The following GRIK1 variants were observed in gnomAD, a reference collection of about 807,000 sequenced individuals.
GRIK1 encodes glutamate receptor ionotropic, kainate 1.
GRIK1 carries 69 observed loss-of-function variants against 105.7 expected under a neutral mutation model. That is an observed-to-expected ratio of 0.65 (90% CI 0.54 to 0.80). The LOEUF (loss-of-function observed/expected upper bound fraction) is 0.80, where lower values mean the gene tolerates loss of function less well. Among genes scored for constraint, GRIK1 ranks in the 30% least tolerant of loss-of-function variants. The pLI is 0.00. For missense variants in GRIK1, 1,109 were observed against 1,167.3 expected, an observed-to-expected ratio of 0.95 and a Z score of 0.73; for synonymous variants, 438 against 431.3, an observed-to-expected ratio of 1.02 and a Z score of -0.19.
intron 1 of GRIK1, among the ~76,000 whole-genome samples, chr21:29,790,696 AC>A (rs1292331205): frequency 6.6e-6 from 1 of 150,504 alleles, no homozygotes; most frequent in African/African-American, 2.4e-5. Context: ...CAAGTGATCC[AC>A]CCACCTTGGC....
intron 1 of GRIK1, among the ~76,000 whole-genome samples, chr21:29,841,308 T>A (rs777364461): frequency 1.3e-5 from 2 of 152,158 alleles, no homozygotes; most frequent in Non-Finnish European, 2.9e-5. Flanking sequence ...GCATCAAAAT[T>A]GTCTAAGCTT....
chr21:29,693,597 C>G (rs2063627453), intron 2 of GRIK1, among the ~76,000 whole-genome samples: 1 of 152,106 alleles, frequency 6.6e-6, no homozygotes, highest in African/African-American at 2.4e-5. Flanking sequence ...GGTGGTATCT[C>G]AGCTTCAGGA....
Position 29,560,511 on chromosome 21 carries a change from CCTTCCTTCCTTTCTTTCTTTCTTT to C in GRIK1, c.2356+1089_2356+1112del, listed in dbSNP as rs1414862625. On this transcript the variant is annotated intron_variant, in intron 15 of 17. Transcript: ENST00000327783. ...TCTTTCTTTCTTTCCTTCCTTCCTT[CCTTCCTTCCTTTCTTTCTTTCTTT>C]CTTTCTTTCTTTCTTTCTTTCTTTC... 8.2e-3 allele frequency among the ~76,000 whole-genome samples: 328 copies of C among 40,196 alleles called. 7 individuals are homozygous for C. Among genetic ancestry groups the C allele is most frequent in the South Asian group, 0.011 (13 of 1,210 alleles). 26.4% of individuals were successfully genotyped at this position (40,196 alleles called of 152,430 possible).
intron 1 of GRIK1, among the ~76,000 whole-genome samples, chr21:29,874,446 ATACGTGAT>A (rs1301668743): frequency 6.6e-6 from 1 of 152,124 alleles, no homozygotes; most frequent in Admixed American, 6.5e-5. Context: ...TCTTTGTCTC[ATACGTGAT>A]TAGCTGAACT....
intron 1 of GRIK1, among the ~76,000 whole-genome samples, chr21:29,806,079 AT>A (rs2066856429): frequency 6.6e-6 from 1 of 152,188 alleles, no homozygotes; most frequent in Non-Finnish European, 1.5e-5. Flanking sequence ...TGTGACACCA[AT>A]AAACAGTCTT....
rs34378438 is a variant in GRIK1, at chr21:29,774,446, CTTT to C, written c.119-80386_119-80384del. Among the ~76,000 whole-genome samples, 109 of 102,418 alleles carry C rather than the reference CTTT, an allele frequency of 1.1e-3. No individual in the cohort carries two copies. The East Asian group carries it at 0.02, about 19-fold the overall frequency. The allele number at this position is 102,418 out of a possible 152,430, so 67.2% of individuals were successfully genotyped here. On this transcript the variant is annotated intron_variant, in intron 1 of 17. Coordinates refer to ENST00000327783, the MANE Select transcript of GRIK1 (RefSeq NM_001330994.2). Reference sequence around the variant, plus strand: ...TCAAGTGCTGTTTCTTTATTTTGCTCTTTTTTTTTTTTTTTTTTTTTCTGAGAC... The same window carrying C: ...TCAAGTGCTGTTTCTTTATTTTGCTCTTTTTTTTTTTTTTTTTTCTGAGAC...
At chr21:29,804,652 T>C (rs1208409149) in intron 1 of GRIK1, among the ~76,000 whole-genome samples, 1 of 152,156 alleles carries the variant, frequency 6.6e-6, no homozygotes, top group Non-Finnish European at 1.5e-5. Flanking sequence ...AAGAGAGAAA[T>C]GACACATTCT....
chr21:29,765,688 A>G (rs2065644641), intron 1 of GRIK1, among the ~76,000 whole-genome samples: 1 of 152,104 alleles, frequency 6.6e-6, no homozygotes, highest in South Asian at 2.1e-4. Flanking sequence ...AGAGGGAGGA[A>G]GTAGAGCAGA....
chr21:29,882,896 A>T (rs1018663013), intron 1 of GRIK1, among the ~76,000 whole-genome samples: 1 of 152,002 alleles, frequency 6.6e-6, no homozygotes, highest in African/African-American at 2.4e-5. Context: ...ATTTATTTTT[A>T]TACTAATAAC....
At chr21:29,916,822 T>C (rs969664143) in intron 1 of GRIK1, among the ~76,000 whole-genome samples, 1 of 151,958 alleles carries the variant, frequency 6.6e-6, no homozygotes, top group African/African-American at 2.4e-5. Context: ...TAAATAGATA[T>C]AATTGCAGGC....
intron 1 of GRIK1, among the ~76,000 whole-genome samples, chr21:29,737,213 C>A (rs144903159): frequency 1.3e-5 from 2 of 152,076 alleles, no homozygotes; most frequent in African/African-American, 2.4e-5. Flanking sequence ...ATGGTCTTGG[C>A]GAGACTCTGG....
intron 7 of GRIK1, among the ~76,000 whole-genome samples, chr21:29,611,552 T>C (rs1041188082): frequency 1.3e-5 from 2 of 152,158 alleles, no homozygotes; most frequent in Non-Finnish European, 1.5e-5. Flanking sequence ...AAATGCAAAG[T>C]GGCATAAATG....
In GRIK1 at chr21:29,735,227, T is replaced by C. The variant is rs146098451; in HGVS notation, c.119-41164A>G. Among the ~76,000 whole-genome samples, 11 of 152,350 alleles carry C rather than the reference T, an allele frequency of 7.2e-5. No homozygotes were observed. In the East Asian group the frequency reaches 2.1e-3, roughly 29 times the overall value. On this transcript the variant is annotated intron_variant, in intron 1 of 17. Coordinates refer to ENST00000327783, the MANE Select transcript of GRIK1 (RefSeq NM_001330994.2). ...AGATAACTGATAAATATTCATTAAA[T>C]TCATGCATGGATCCTTATTAGAATT...
intron 1 of GRIK1, among the ~76,000 whole-genome samples, chr21:29,868,890 G>T (rs529180861): frequency 6.6e-6 from 1 of 152,274 alleles, no homozygotes; most frequent in Admixed American, 6.5e-5. Context: ...TACTCAAAAT[G>T]AGGCCTGAAA....
chr21:29,758,277 G>A (rs971450824), intron 1 of GRIK1, among the ~76,000 whole-genome samples: 1 of 152,218 alleles, frequency 6.6e-6, no homozygotes, highest in African/African-American at 2.4e-5. Context: ...ACTCGAGACT[G>A]GGTAATTTAT....
At chr21:29,705,055 A>G (rs545812972) in intron 1 of GRIK1, among the ~76,000 whole-genome samples, 1 of 152,362 alleles carries the variant, frequency 6.6e-6, no homozygotes, top group South Asian at 2.1e-4. Context: ...TGAATGGAAT[A>G]AGACAAGTTC....
chr21:29,742,408 A>G (rs770199710), intron 1 of GRIK1, among the ~76,000 whole-genome samples: 1 of 152,222 alleles, frequency 6.6e-6, no homozygotes, highest in Non-Finnish European at 1.5e-5. Context: ...CTTCAAGTAC[A>G]ACATCCATTT....
At position 29,788,794 on chromosome 21, in the gene GRIK1, G is replaced by A. The variant is rs1363308640; in HGVS notation, c.119-94731C>T. ...AGGCAGTAGATTCTTACAGGAGCCTGTAGCCTAGATCCCTCACATGCACAA... is the reference window on the plus strand; with the variant it reads ...AGGCAGTAGATTCTTACAGGAGCCTATAGCCTAGATCCCTCACATGCACAA... On this transcript the variant is annotated intron_variant, in intron 1 of 17. Coordinates refer to ENST00000327783, the MANE Select transcript of GRIK1 (RefSeq NM_001330994.2). 2.6e-5 allele frequency among the ~76,000 whole-genome samples: 4 copies of A among 152,176 alleles called. No homozygotes were observed. In the East Asian group the frequency reaches 7.7e-4, roughly 29 times the overall value.
chr21:29,784,679 A>G (rs1193271530), intron 1 of GRIK1, among the ~76,000 whole-genome samples: 1 of 152,246 alleles, frequency 6.6e-6, no homozygotes, highest in Non-Finnish European at 1.5e-5. Flanking sequence ...AAAATTAACT[A>G]TAGACTTACC....
Sources: gnomAD v4.1 joint callset for allele counts (sites outside exome capture counted in the v4.1 genomes callset) on GRCh38, gnomAD v4.1.1 for gene constraint, MANE v1.5 for transcripts, NCBI Gene and HGNC (gene_info 2026-07-23, HGNC 2026-07-21) for gene names.